ZBED6: variants seen among roughly 807,000 people sequenced by gnomAD.
The protein encoded by ZBED6 is zinc finger BED domain-containing protein 6.
In ZBED6, 40 loss-of-function variants were observed where a neutral mutation model predicts 58.4. The observed-to-expected ratio is 0.68, with a 90% confidence interval of 0.53 to 0.89. The LOEUF (loss-of-function observed/expected upper bound fraction) is 0.89. Ranked by LOEUF, ZBED6 falls within the 40% of genes least tolerant of loss-of-function variation. ZBED6 has a pLI of 0.00. For missense variants in ZBED6, 1,057 were observed against 1,003.9 expected (o/e 1.05, Z -0.71); for synonymous variants, 439 against 350.6 (o/e 1.25, Z -2.82).
intron 1 of ZBED6, among the ~76,000 whole-genome samples, chr1:203,809,170 C>CTTTT (rs1673410840): frequency 2.3e-5 from 2 of 87,004 alleles, no homozygotes; most frequent in East Asian, 7.6e-4. Context: ...TTTCTTCTCA[C>CTTTT]TGTTTTTTTT....
At chr1:203,805,420 C>T (rs1046922392) in intron 1 of ZBED6, among the ~76,000 whole-genome samples, 5 of 151,982 alleles carry the variant, frequency 3.3e-5, no homozygotes, top group African/African-American at 4.8e-5. Context: ...TGTGAGCCAC[C>T]GCGCCCTGCC....
At chr1:203,815,216 C>CCTTT (rs1553261509) in intron 1 of ZBED6, among the ~76,000 whole-genome samples, 1 of 97,154 alleles carries the variant, frequency 1.0e-5, no homozygotes, top group Non-Finnish European at 1.9e-5. Context: ...CTTTTCTTTT[C>CCTTT]TTTTTTTTTT....
chr1:203,817,752 T>A (rs1676853635), intron 2 of ZBED6, among the ~76,000 whole-genome samples: 1 of 152,078 alleles, frequency 6.6e-6, no homozygotes, highest in African/African-American at 2.4e-5. Flanking sequence ...TCTTGATTTT[T>A]TTTTTATTTT....
intron 13 of ZBED6, among the ~76,000 whole-genome samples, chr1:203,848,955 G>A (rs1688630509): frequency 6.6e-6 from 1 of 152,108 alleles, no homozygotes; most frequent in African/African-American, 2.4e-5. Context: ...CATGATCTCG[G>A]TTCACTGCAA....
chr1:203,833,730 G>A, intron 8 of ZBED6, 61 bp from the exon 9 acceptor site: 3 of 1,420,634 alleles, frequency 2.1e-6, no homozygotes, highest in African/African-American at 1.4e-5. Flanking sequence ...GTACCCATTA[G>A]TAGTTACTGA....
intron 3 of ZBED6, among the ~76,000 whole-genome samples, chr1:203,822,868 G>A (rs1046807777): frequency 6.6e-6 from 1 of 152,100 alleles, no homozygotes; most frequent in Non-Finnish European, 1.5e-5. Context: ...CTGAATGCCT[G>A]TCTCCCTCAA....
chr1:203,805,548 C>T (rs1309907848), intron 1 of ZBED6: 20 of 572,656 alleles, frequency 3.5e-5, no homozygotes, highest in East Asian at 9.2e-5. Context: ...GTATCTGTTA[C>T]GGTAAATTTG....
chr1:203,797,408 A>G (rs1668907246), exon 1 of ZBED6: 1 of 1,035,072 alleles, frequency 9.7e-7, no homozygotes, highest in African/African-American at 1.6e-5. Context: ...TGGGAATTTG[A>G]TTCCCCATAG....
exon 14 of ZBED6, chr1:203,849,947 G>A (rs199857390): frequency 1.2e-6 from 2 of 1,614,096 alleles, no homozygotes; most frequent in East Asian, 2.2e-5. Context: ...CCCAGAAGGT[G>A]GAGGTAGAAA....
chr1:203,798,993 C>T, exon 1 of ZBED6: 1 of 1,536,096 alleles, frequency 6.5e-7, no homozygotes, highest in Non-Finnish European at 8.7e-7. Context: ...GACCCATGAC[C>T]CATCCACTGA....
intron 14 of ZBED6, 48 bp from the exon 15 acceptor site, chr1:203,850,466 TA>T (rs1264930998): frequency 1.0e-5 from 16 of 1,603,328 alleles, no homozygotes; most frequent in African/African-American, 2.7e-5. Context: ...ATTCCCCATT[TA>T]AAAGAGTCTA....
intron 9 of ZBED6, 139 bp from the exon 10 acceptor site, chr1:203,837,827 A>G: frequency 1.3e-6 from 1 of 765,964 alleles, no homozygotes; most frequent in South Asian, 2.0e-5. Flanking sequence ...ATTGAACTCT[A>G]AGGAAGCTGG....
intron 11 of ZBED6, among the ~76,000 whole-genome samples, chr1:203,844,470 G>A (rs185359302): frequency 6.6e-6 from 1 of 152,276 alleles, no homozygotes; most frequent in African/African-American, 2.4e-5. Context: ...CGCCTGGCCT[G>A]CTCTGGGATT....
At chr1:203,835,592 G>A (rs1684058277) in intron 9 of ZBED6, 1 of 178,468 alleles carries the variant, frequency 5.6e-6, no homozygotes, top group South Asian at 1.7e-4. Flanking sequence ...AAACCCTTGT[G>A]GTGTACAGCG....
chr1:203,852,034 T>C lies in ZBED6; in HGVS notation c.*4874-107T>C, dbSNP rs1689439432. ...TCAGTAAAAGAATTATTTCTTTATG[T>C]ATGTTCTTAAAAACAAATTTTTGCT... On this transcript the variant is annotated intron_variant, in intron 16 of 16. Transcript: ENST00000550078. The C allele has an allele frequency of 5.3e-6, 6 of 1,142,032 alleles. No individual in the cohort carries two copies. The East Asian group carries it at 1.5e-4, about 28-fold the overall frequency. The allele number at this position is 1,142,032 out of a possible 1,614,324, so 70.7% of individuals were successfully genotyped here. A position where few individuals can be genotyped will look rare whatever the true frequency, so the allele number is the denominator to read the frequency against.
At chr1:203,829,999 G>C (rs1393430795) in intron 6 of ZBED6, 103 bp downstream of exon 6, 1 of 1,314,072 alleles carries the variant, frequency 7.6e-7, no homozygotes, top group African/African-American at 1.5e-5. Flanking sequence ...CATGCTACAC[G>C]CATACTTACC....
In ZBED6 at chr1:203,837,889, T is replaced by C. The variant is rs1056284359; in HGVS notation, c.*3574-77T>C. ...AACACTTAACAGAATTATGCTATGTTGTCTGTTTTTGTTTGTATTTCTTGT... is the reference window on the plus strand; with the variant it reads ...AACACTTAACAGAATTATGCTATGTCGTCTGTTTTTGTTTGTATTTCTTGT... On this transcript the variant is annotated intron_variant, in intron 9 of 16. Transcript: ENST00000550078. 4 of 1,339,578 alleles carry C rather than the reference T, an allele frequency of 3.0e-6. No homozygotes were observed. The African/African-American group carries it at 5.9e-5, about 20-fold the overall frequency. The allele number at this position is 1,339,578 out of a possible 1,614,324, so 83.0% of individuals were successfully genotyped here.
chr1:203,819,889 C>G (rs973840436), intron 3 of ZBED6, among the ~76,000 whole-genome samples: 1 of 151,410 alleles, frequency 6.6e-6, no homozygotes, highest in Non-Finnish European at 1.5e-5. Flanking sequence ...TCGTTTAATC[C>G]TTTGATCTCA....
chr1:203,797,889 A>T (rs1471900469), exon 1 of ZBED6: 1 of 1,536,084 alleles, frequency 6.5e-7, no homozygotes, highest in East Asian at 2.4e-5. Context: ...AGAAAAACAG[A>T]TCTATCTACC....
Sources: allele counts gnomAD v4.1 joint callset (sites outside exome capture counted in the v4.1 genomes callset), GRCh38; gene constraint gnomAD v4.1.1; transcripts MANE v1.5; gene names NCBI Gene and HGNC (gene_info 2026-07-23, HGNC 2026-07-21).